PROSER1: variants seen among roughly 807,000 people sequenced by gnomAD.
PROSER1 encodes proline and serine rich 1.
Under a neutral mutation model 71.8 loss-of-function variants are expected in PROSER1, and 36 were observed. The ratio of observed to expected loss-of-function variants is 0.50; its 90% CI spans 0.38 to 0.66. The LOEUF (loss-of-function observed/expected upper bound fraction) is 0.66, where lower values mean the gene tolerates loss of function less well. Among genes scored for constraint, PROSER1 ranks in the 30% least tolerant of loss-of-function variants. PROSER1 has a pLI of 0.00. For synonymous variants in PROSER1, 490 were observed against 452.4 expected (o/e 1.08, Z -1.06); for missense variants, 1,107 against 1,135.0 (o/e 0.98, Z 0.35).
intron 2 of PROSER1, among the ~76,000 whole-genome samples, chr13:39,032,887 G>C (rs1055469850): frequency 6.6e-6 from 1 of 151,894 alleles, no homozygotes; most frequent in African/African-American, 2.4e-5. Context: ...AATGCTATTA[G>C]CTGTAAGAAA....
At chr13:39,035,492 G>A (rs1429190907) in intron 1 of PROSER1, among the ~76,000 whole-genome samples, 1 of 152,190 alleles carries the variant, frequency 6.6e-6, no homozygotes, top group Non-Finnish European at 1.5e-5. Flanking sequence ...TACACCTCAT[G>A]CGTTGTAAGG....
rs1258857319 is a variant in PROSER1, at chr13:39,037,940, G to A, written c.-698C>T. The A allele has an allele frequency of 1.3e-5, 2 of 152,772 alleles. No homozygotes were observed. Among genetic ancestry groups the A allele is most frequent in the Admixed American group, 1.3e-4 (2 of 15,288 alleles). The allele number at this position is 152,772 out of a possible 1,614,324, so 9.5% of individuals were successfully genotyped here. A position where few individuals can be genotyped will look rare whatever the true frequency, so the allele number is the denominator to read the frequency against. On this transcript the variant is annotated 5_prime_UTR_variant, in exon 1 of 13. Coordinates refer to ENST00000352251, the MANE Select transcript of PROSER1 (RefSeq NM_025138.5). Reference sequence around the variant, plus strand: ...GCGAAGAGGGGCACGGCCTCGCATAGGGGGACTCCGGAAAAACGCAGCCCC... The same window carrying A: ...GCGAAGAGGGGCACGGCCTCGCATAAGGGGACTCCGGAAAAACGCAGCCCC...
At position 39,016,990 on chromosome 13, in the gene PROSER1, C is replaced by T. The variant is rs892548920; in HGVS notation, c.775+510G>A. ...AAAATACAACGTCGCAGCACTGCTG[C>T]CATCTGGAGGCACTATGTAGGACAC... On this transcript the variant is annotated intron_variant, in intron 10 of 12. Coordinates refer to ENST00000352251, the MANE Select transcript of PROSER1 (RefSeq NM_025138.5). Among the ~76,000 whole-genome samples, 3 of 152,228 alleles carry T rather than the reference C, an allele frequency of 2.0e-5. No individual in the cohort carries two copies. The South Asian group carries it at 6.2e-4, about 31-fold the overall frequency.
In PROSER1 at chr13:39,034,198, TAA is replaced by T. The variant is rs746321138; in HGVS notation, c.46-4_46-3del. On this transcript the variant is annotated splice_region_variant and splice_polypyrimidine_tract_variant and intron_variant, in intron 1 of 12. Coordinates refer to ENST00000352251, the MANE Select transcript of PROSER1 (RefSeq NM_025138.5). ...TAATTTGTATTCTGTCAAAACAGCC[TAA>T]AAAAAAAAAACACACACACACAGAG... 281 of 1,264,518 alleles carry T rather than the reference TAA, an allele frequency of 2.2e-4. No homozygotes were observed. Among genetic ancestry groups the T allele is most frequent in the Admixed American group, 8.9e-4 (37 of 41,692 alleles). The allele number at this position is 1,264,518 out of a possible 1,614,324, so 78.3% of individuals were successfully genotyped here.
intron 3 of PROSER1, among the ~76,000 whole-genome samples, 184 bp downstream of exon 3, chr13:39,031,379 C>T (rs1870835162): frequency 6.6e-6 from 1 of 152,168 alleles, no homozygotes; most frequent in Non-Finnish European, 1.5e-5. Flanking sequence ...CTGTAGCATA[C>T]AATTTAAATG....
intron 5 of PROSER1, 49 bp downstream of exon 5, chr13:39,028,178 A>G: frequency 9.9e-7 from 1 of 1,013,524 alleles, no homozygotes; most frequent in Non-Finnish European, 1.5e-6. Flanking sequence ...CGTCTTCAAT[A>G]TTCGGAAAAA....
chr13:39,021,807 CTCCTA>C (rs796634648), intron 9 of PROSER1, among the ~76,000 whole-genome samples: 54 of 152,286 alleles, frequency 3.5e-4, no homozygotes, highest in African/African-American at 1.3e-3. Flanking sequence ...TTGGATGCCT[CTCCTA>C]TGAGTTTCCA....
intron 6 of PROSER1, 109 bp downstream of exon 6, chr13:39,026,168 G>A (rs1219363884): frequency 6.0e-6 from 4 of 666,912 alleles, no homozygotes; most frequent in Non-Finnish European, 1.0e-5. Flanking sequence ...GTGAGCCTGT[G>A]AATTAAGTTA....
At chr13:39,011,572 A>T in intron 12 of PROSER1, 85 bp from the exon 13 acceptor site, 1 of 1,361,410 alleles carries the variant, frequency 7.3e-7, no homozygotes, top group Non-Finnish European at 1.0e-6. Context: ...ACACAGAGAT[A>T]TTCAGAATAG....
At chr13:39,033,217 G>A (rs1013173933) in intron 2 of PROSER1, among the ~76,000 whole-genome samples, 2 of 152,176 alleles carry the variant, frequency 1.3e-5, no homozygotes, top group African/African-American at 4.8e-5. Flanking sequence ...ACTGCACCCA[G>A]CCAAAACATT....
intron 2 of PROSER1, among the ~76,000 whole-genome samples, chr13:39,033,403 A>G (rs1870951840): frequency 6.6e-6 from 1 of 152,222 alleles, no homozygotes; most frequent in Non-Finnish European, 1.5e-5. Context: ...GAAACCAATG[A>G]AAAGCTGGAC....
intron 5 of PROSER1, among the ~76,000 whole-genome samples, chr13:39,027,783 T>C (rs376885328): frequency 2.1e-4 from 32 of 152,334 alleles, no homozygotes; most frequent in African/African-American, 7.2e-4. Context: ...CAAGTACTAT[T>C]TCTCCCATTC....
Position 39,017,493 on chromosome 13 carries a change from T to A in PROSER1, c.775+7A>T. 1 of 1,525,850 alleles carries A rather than the reference T, an allele frequency of 6.6e-7. No individual in the cohort carries two copies. Among genetic ancestry groups the A allele is most frequent in the Non-Finnish European group, 9.0e-7 (1 of 1,108,452 alleles). 94.5% of individuals were successfully genotyped at this position (1,525,850 alleles called of 1,614,324 possible). ...TCCGTTATCTCTGGATCAAATTTGC[T>A]ACTTACTTTGATTCTGTATAGGTTT... On this transcript the variant is annotated splice_region_variant and intron_variant, in intron 10 of 12. Transcript: ENST00000352251.
intron 9 of PROSER1, among the ~76,000 whole-genome samples, chr13:39,021,905 T>C (rs1449942371): frequency 6.6e-6 from 1 of 152,244 alleles, no homozygotes; most frequent in Non-Finnish European, 1.5e-5. Flanking sequence ...AATCACATTC[T>C]AATTTCAGAG....
chr13:39,033,684 A>G (rs1413006744), intron 2 of PROSER1, among the ~76,000 whole-genome samples: 6 of 152,226 alleles, frequency 3.9e-5, no homozygotes, highest in Non-Finnish European at 8.8e-5. Context: ...ACTACTTATT[A>G]AATAACACTG....
intron 2 of PROSER1, among the ~76,000 whole-genome samples, chr13:39,031,994 G>GA (rs1187819119): frequency 6.6e-6 from 1 of 151,926 alleles, no homozygotes; most frequent in Non-Finnish European, 1.5e-5. Context: ...ATACAATACA[G>GA]AAAAAAACAA....
At position 39,023,005 on chromosome 13, in the gene PROSER1, T is replaced by A. The variant is rs781736027; in HGVS notation, c.643+47A>T. On this transcript the variant is annotated intron_variant, in intron 8 of 12. Transcript: ENST00000352251. ...CAGCATTTACTTTCAATTTAATAAATAAACAGCAAAAAAGAAAAACAAGTA... is the reference window on the plus strand; with the variant it reads ...CAGCATTTACTTTCAATTTAATAAAAAAACAGCAAAAAAGAAAAACAAGTA... 1.7e-5 allele frequency: 25 copies of A among 1,495,544 alleles called. No individual in the cohort carries two copies. The Admixed American group carries it at 4.1e-4, about 25-fold the overall frequency. The allele number at this position is 1,495,544 out of a possible 1,614,324, so 92.6% of individuals were successfully genotyped here. A position where few individuals can be genotyped will look rare whatever the true frequency, so the allele number is the denominator to read the frequency against.
intron 10 of PROSER1, among the ~76,000 whole-genome samples, chr13:39,016,107 CA>C (rs1869997265): frequency 6.6e-6 from 1 of 152,040 alleles, no homozygotes; most frequent in Admixed American, 6.5e-5. Flanking sequence ...TTTAATAAAG[CA>C]AAAGCTATGC....
intron 9 of PROSER1, among the ~76,000 whole-genome samples, chr13:39,019,130 T>C (rs1315775486): frequency 6.6e-6 from 1 of 152,042 alleles, no homozygotes; most frequent in Non-Finnish European, 1.5e-5. Context: ...TAACAAGTCA[T>C]GATCAAAGGC....
Sources: gnomAD v4.1 joint callset for allele counts (sites outside exome capture counted in the v4.1 genomes callset) on GRCh38, gnomAD v4.1.1 for gene constraint, MANE v1.5 for transcripts, NCBI Gene and HGNC (gene_info 2026-07-23, HGNC 2026-07-21) for gene names.